PAXX: variants seen among roughly 807,000 people sequenced by gnomAD.
PAXX encodes the protein PAXX non-homologous end joining factor, also known as protein PAXX.
Under a neutral mutation model 25.6 loss-of-function variants are expected in PAXX, and 27 were observed. The observed-to-expected ratio is 1.06, with a 90% CI of 0.78 to 1.46. The LOEUF (loss-of-function observed/expected upper bound fraction) is 1.46. Ranked by LOEUF, PAXX falls within the 40% of genes most tolerant of loss-of-function variation. The pLI, the probability that PAXX is intolerant of heterozygous loss-of-function variation, is 0.00. For missense variants in PAXX, 295 were observed against 280.2 expected (o/e 1.05, Z -0.38); for synonymous variants, 126 against 125.7 (o/e 1.00, Z -0.02).
chr9:136,992,866 G>T, intron 2 of PAXX, 59 bp from the exon 3 acceptor site: 8 of 1,611,786 alleles, frequency 5.0e-6, no homozygotes, highest in Non-Finnish European at 5.9e-6. Flanking sequence ...GCAGGTTTCG[G>T]GTGCCCCCAG....
In PAXX at chr9:136,992,466, T is replaced by G. The variant is rs749598349; in HGVS notation, c.23T>G (p.Leu8Arg). 1.6e-5 allele frequency: 22 copies of G among 1,369,074 alleles called. No individual in the cohort carries two copies. Among genetic ancestry groups the G allele is most frequent in the Admixed American group, 3.5e-5 (1 of 28,694 alleles). The allele number at this position is 1,369,074 out of a possible 1,614,324, so 84.8% of individuals were successfully genotyped here. A position where few individuals can be genotyped will look rare whatever the true frequency, so the allele number is the denominator to read the frequency against. The stretch of plus-strand genomic sequence containing the variant: ...GCCATGGATCCGCTGTCGCCGCCGC[T>G]CTGCACGCTGCCGCCGGGCCCCGAG... MDPLSPP[L>R]CTLPPGPEPP... The change falls in exon 1 of 7, where the codon CTC becomes CGC. Residue 8 changes from leucine (L) to arginine (R), a missense_variant. Coordinates refer to ENST00000371620, the MANE Select transcript of PAXX (RefSeq NM_183241.3).
Position 136,992,709 on chromosome 9 carries a change from C to G in PAXX, c.180+9C>G. 6.5e-7 allele frequency: 1 copy of G among 1,540,784 alleles called. No homozygotes were observed. Among genetic ancestry groups the G allele is most frequent in the Non-Finnish European group, 8.7e-7 (1 of 1,147,080 alleles). ...ACAGCCTGGCGGCCCTCGTGGGTAA[C>G]TGGGCGGGTCTGGGAGCCGCCACAC... On this transcript the variant is annotated intron_variant, in intron 2 of 6. Transcript: ENST00000371620.
chr9:136,993,017 G>A (rs1830616002), intron 3 of PAXX, 36 bp from the exon 4 acceptor site: 2 of 1,613,016 alleles, frequency 1.2e-6, no homozygotes, highest in Admixed American at 1.7e-5. Flanking sequence ...GGAGGAGGAG[G>A]GTCTGCCACA....
intron 5 of PAXX, 51 bp downstream of exon 5, chr9:136,993,462 A>G (rs748336473): frequency 1.9e-6 from 3 of 1,596,198 alleles, no homozygotes; most frequent in Non-Finnish European, 2.6e-6. Flanking sequence ...TTTAACCTGG[A>G]ACTCAGTTTC....
chr9:136,992,443 C>T lies in PAXX; in HGVS notation c.-1C>T. ...CGCCGGGTTCCCGCTCGCCCGGCGC[C>T]ATGGATCCGCTGTCGCCGCCGCTCT... On this transcript the variant is annotated 5_prime_UTR_variant, in exon 1 of 7. Transcript: ENST00000371620. The T allele has an allele frequency of 1.6e-6, 2 of 1,255,438 alleles. No homozygotes were observed. The highest frequency in any genetic ancestry group is 3.1e-5 in the East Asian group (1 of 31,854). 77.8% of individuals were successfully genotyped at this position (1,255,438 alleles called of 1,614,324 possible). A position where few individuals can be genotyped will look rare whatever the true frequency, so the allele number is the denominator to read the frequency against.
In PAXX at chr9:136,993,196, C is replaced by T. The variant is rs915570384; in HGVS notation, c.374C>T (p.Thr125Ile). ...PEAAPRLRALTLGLAKRVWSL... is the reference protein window; with the variant it reads ...PEAAPRLRALILGLAKRVWSL... The stretch of plus-strand genomic sequence containing the variant: ...GCAGCCCCCAGGCTGCGGGCGCTGA[C>T]ACTGGGCCTGGCAAAACGCGTGTGG... The change falls in exon 4 of 7, where the codon ACA becomes ATA. Residue 125 changes from threonine (T) to isoleucine (I), a missense_variant. Coordinates refer to ENST00000371620, the MANE Select transcript of PAXX (RefSeq NM_183241.3). 2 of 1,544,652 alleles carry T rather than the reference C, an allele frequency of 1.3e-6. No homozygotes were observed. The highest frequency in any genetic ancestry group is 1.7e-6 in the Non-Finnish European group (2 of 1,150,234).
At chr9:136,992,734 C>T in intron 2 of PAXX, 34 bp downstream of exon 2, 1 of 1,543,900 alleles carries the variant, frequency 6.5e-7, no homozygotes, top group Non-Finnish European at 8.7e-7. Context: ...AGCCGCCACA[C>T]CCCTCCTTGC....
chr9:136,992,881 C>T, intron 2 of PAXX, 44 bp from the exon 3 acceptor site: 1 of 1,612,920 alleles, frequency 6.2e-7, no homozygotes, highest in Admixed American at 1.7e-5. Context: ...CCCCAGTGGG[C>T]CTCGGGTTCC....
rs142996080 is a variant in PAXX at position 136,993,146 on chromosome 9, C to G, written c.324C>G (p.Asp108Glu). The G allele has an allele frequency of 6.3e-7, 1 of 1,593,602 alleles. No homozygotes were observed. Among genetic ancestry groups the G allele is most frequent in the Non-Finnish European group, 8.5e-7 (1 of 1,170,544 alleles). ...LSGGPSALAF[D>E]LSKVPGPEAA... ...GGGGGCCCTCGGCACTGGCCTTTGA[C>G]CTCTCCAAGGTACCAGGCCCAGAGG... is the stretch of plus-strand genomic sequence containing the variant. The change falls in exon 4 of 7, where the codon GAC becomes GAG. Residue 108 changes from aspartate to glutamate, a missense_variant. Transcript: ENST00000371620.
chr9:136,992,605 G>C, intron 1 of PAXX, 35 bp from the exon 2 acceptor site: 5 of 1,531,196 alleles, frequency 3.3e-6, no homozygotes, highest in Non-Finnish European at 3.5e-6. Context: ...AGGGAGCTCC[G>C]CGGGCGGCCC....
Position 136,992,492 on chromosome 9 carries a change from C to T in PAXX, c.49C>T (p.Pro17Ser). Residue 17 changes from proline (P) to serine (S), a missense_variant, in exon 1 of 7, where the codon CCG becomes TCG. Transcript: ENST00000371620. ...CTGCACGCTGCCGCCGGGCCCCGAG[C>T]CGCCCCGCTTCGTGTGCTACTGCGA... Reference protein sequence around the residue: ...PLCTLPPGPEPPRFVCYCEGE... With the variant: ...PLCTLPPGPESPRFVCYCEGE... The T allele has an allele frequency of 7.2e-7, 1 of 1,385,268 alleles. No homozygotes were observed. Among genetic ancestry groups the T allele is most frequent in the Non-Finnish European group, 9.4e-7 (1 of 1,066,672 alleles). The allele number at this position is 1,385,268 out of a possible 1,614,324, so 85.8% of individuals were successfully genotyped here. A position where few individuals can be genotyped will look rare whatever the true frequency, so the allele number is the denominator to read the frequency against.
In PAXX at chr9:136,993,902, C is replaced by T; in HGVS notation, c.*97C>T. 1 of 1,222,024 alleles carries T rather than the reference C, an allele frequency of 8.2e-7. No homozygotes were observed. 75.7% of individuals were successfully genotyped at this position (1,222,024 alleles called of 1,614,324 possible). A position where few individuals can be genotyped will look rare whatever the true frequency, so the allele number is the denominator to read the frequency against. On this transcript the variant is annotated 3_prime_UTR_variant, in exon 7 of 7. Transcript: ENST00000371620. ...AGAGACCCCCCGCCACCACCTCCAC[C>T]TGCCTGTCCTGGGCCAGGACTAACA...
Position 136,993,325 on chromosome 9 carries a change from A to G in PAXX, c.422-18A>G. On this transcript the variant is annotated intron_variant, in intron 4 of 6. Transcript: ENST00000371620. ...ACTCCTGGCACTGAGTGGGGTTCCC[A>G]TGGGCTTTCCTCCCCAGCTGCAGAA... is the stretch of plus-strand genomic sequence containing the variant. 6.2e-7 allele frequency: 1 copy of G among 1,602,974 alleles called. No individual in the cohort carries two copies. Among genetic ancestry groups the G allele is most frequent in the Non-Finnish European group, 8.5e-7 (1 of 1,174,684 alleles).
chr9:136,993,655 G>A lies in PAXX; in HGVS notation c.566G>A (p.Gly189Glu), dbSNP rs767439543. The A allele has an allele frequency of 8.1e-6, 13 of 1,613,748 alleles. No homozygotes were observed. The South Asian group carries it at 1.3e-4, about 16-fold the overall frequency. Residue 189 changes from glycine (G) to glutamate (E), a missense_variant, in exon 6 of 7, where the codon GGG becomes GAG. Coordinates refer to ENST00000371620, the MANE Select transcript of PAXX (RefSeq NM_183241.3). The stretch of plus-strand genomic sequence containing the variant: ...CCAGGAGAGTCGCTCATCAACCCCG[G>A]GTTCAAGAGGTACCCTCCCACAGCC... ...RCPGESLINPGFKSKKPAGGV... is the reference protein window; with the variant it reads ...RCPGESLINPEFKSKKPAGGV...
Position 136,993,133 on chromosome 9 carries a change from CA to C in PAXX, c.312del (p.Leu105TrpfsTer20), listed in dbSNP as rs1449394076. Reference protein sequence around the residue: ...ASLTLSGGPSALAFDLSKVPG... With the variant: ...ASLTLSGGPSXLAFDLSKVPG... The stretch of plus-strand genomic sequence containing the variant: ...CTGACGCTTTCAGGGGGGCCCTCGG[CA>C]CTGGCCTTTGACCTCTCCAAGGTAC... On this transcript the variant is annotated frameshift_variant, in exon 4 of 7. Coordinates refer to ENST00000371620, the MANE Select transcript of PAXX (RefSeq NM_183241.3). LOFTEE classifies it high-confidence loss of function. 6.3e-7 allele frequency: 1 copy of C among 1,598,768 alleles called. No individual in the cohort carries two copies. Among genetic ancestry groups the C allele is most frequent in the South Asian group, 1.1e-5 (1 of 89,382 alleles).
In PAXX at chr9:136,992,638, A is replaced by C. The variant is rs1167763035; in HGVS notation, c.120-2A>C. The C allele has an allele frequency of 2.6e-6, 4 of 1,541,958 alleles. No individual in the cohort carries two copies. Among genetic ancestry groups the C allele is most frequent in the Non-Finnish European group, 8.7e-7 (1 of 1,146,626 alleles). ...CCCCGCCTGACAGGCCTTCTCCCCC[A>C]GCGTGACCGACGCCGCGGAGCTTTG... On this transcript the variant is annotated splice_acceptor_variant, in intron 1 of 6. Transcript: ENST00000371620. LOFTEE classifies it high-confidence loss of function.
chr9:136,993,367 C>G lies in PAXX; in HGVS notation c.446C>G (p.Pro149Arg), dbSNP rs749316845. The G allele has an allele frequency of 9.3e-6, 15 of 1,606,102 alleles. No homozygotes were observed. The African/African-American group carries it at 1.9e-4, about 20-fold the overall frequency. ...GCTGCAGAAGAGACAGCTGTCAGCC[C>G]GAGGAAGAGCCCCCGGCCTGCAGGG... is the stretch of plus-strand genomic sequence containing the variant. ...LAAAEETAVS[P>R]RKSPRPAGPQ... The change falls in exon 5 of 7, where the codon CCG becomes CGG. Residue 149 changes from proline to arginine, a missense_variant. Pro to Arg is a moderately radical substitution (Grantham distance 103, BLOSUM62 -2). Transcript: ENST00000371620.
intron 5 of PAXX, 33 bp downstream of exon 5, chr9:136,993,444 C>T: frequency 6.3e-7 from 1 of 1,599,520 alleles, no homozygotes. Flanking sequence ...TCAAGTAGGG[C>T]TGTGCTCTTT....
In PAXX at chr9:136,993,831, G is replaced by A. The variant is rs758212441; in HGVS notation, c.*26G>A. On this transcript the variant is annotated 3_prime_UTR_variant, in exon 7 of 7. Transcript: ENST00000371620. ...AGGTGCAGCACAAGCGTGGCCCCGC[G>A]GGGAGTCCGCCTATGAGGGGAGAGG... 23 of 1,611,796 alleles carry A rather than the reference G, an allele frequency of 1.4e-5. No homozygotes were observed. In the East Asian group the frequency reaches 2.7e-4, roughly 19 times the overall value.
Sources: allele counts gnomAD v4.1 joint callset, GRCh38; gene constraint gnomAD v4.1.1; transcripts MANE v1.5; gene names NCBI Gene and HGNC (gene_info 2026-07-23, HGNC 2026-07-21).